MAGI2: variants seen among roughly 807,000 people sequenced by gnomAD.
MAGI2 encodes the protein membrane-associated guanylate kinase, WW and PDZ domain-containing protein 2.
In MAGI2, 35 loss-of-function variants were observed where a neutral mutation model predicts 133.3. The observed-to-expected ratio is 0.26, with a 90% CI of 0.20 to 0.35. The LOEUF (loss-of-function observed/expected upper bound fraction) is 0.35. Among genes scored for constraint, MAGI2 ranks in the 10% least tolerant of loss-of-function variants. MAGI2 has a pLI of 1.00. For missense variants in MAGI2, 1,636 were observed against 1,863.4 expected (o/e 0.88, Z 2.25); for synonymous variants, 729 against 710.6 (o/e 1.03, Z -0.41).
chr7:78,238,334 C>G (rs1206453177), intron 10 of MAGI2, among the ~76,000 whole-genome samples: 1 of 152,070 alleles, frequency 6.6e-6, no homozygotes, highest in Non-Finnish European at 1.5e-5. Context: ...CATCCTGTCT[C>G]CTGTGACCAT....
intron 20 of MAGI2, among the ~76,000 whole-genome samples, chr7:78,116,657 T>C (rs1206031942): frequency 6.6e-6 from 1 of 152,122 alleles, no homozygotes; most frequent in Non-Finnish European, 1.5e-5. Flanking sequence ...AGCAGTAGTA[T>C]TGCTTGAGCC....
At chr7:78,418,041 T>C (rs951664542) in intron 6 of MAGI2, among the ~76,000 whole-genome samples, 1 of 152,138 alleles carries the variant, frequency 6.6e-6, no homozygotes, top group Non-Finnish European at 1.5e-5. Context: ...GCTTAACTGT[T>C]GTTTATCATG....
At chr7:79,008,612 AT>A (rs890574149) in intron 1 of MAGI2, 1 of 152,164 alleles carries the variant, frequency 6.6e-6, no homozygotes, top group East Asian at 1.9e-4. Context: ...AAAGAAAAAC[AT>A]TTTTTGTTGG....
In MAGI2 at chr7:78,875,955, T is replaced by G. The variant is rs116686388; in HGVS notation, c.418+131135A>C. 2.1e-3 allele frequency among the ~76,000 whole-genome samples: 323 copies of G among 152,212 alleles called. 3 individuals are homozygous for G. The highest frequency in any genetic ancestry group is 7.5e-3 in the African/African-American group (310 of 41,510). The stretch of plus-strand genomic sequence containing the variant: ...TGGGGAAAAAAATCAGTGAGCTTGG[T>G]GATGCATTAATAACAGCTGTCCAAT... On this transcript the variant is annotated intron_variant, in intron 2 of 21. Transcript: ENST00000354212.
intron 2 of MAGI2, among the ~76,000 whole-genome samples, chr7:78,775,593 C>T (rs1008765424): frequency 6.6e-6 from 1 of 152,174 alleles, no homozygotes. Context: ...TAACTGATAA[C>T]ATTATGCATA....
intron 6 of MAGI2, among the ~76,000 whole-genome samples, chr7:78,467,695 G>A (rs1375635924): frequency 6.6e-6 from 1 of 151,876 alleles, no homozygotes; most frequent in African/African-American, 2.4e-5. Context: ...GCTGATATTT[G>A]AAAAAACAAG....
chr7:78,980,528 G>A (rs1482049719), intron 2 of MAGI2, among the ~76,000 whole-genome samples: 1 of 151,790 alleles, frequency 6.6e-6, no homozygotes, highest in Non-Finnish European at 1.5e-5. Flanking sequence ...AACTCAGAAC[G>A]AAGGTATATT....
chr7:78,381,239 C>T (rs763703812), intron 6 of MAGI2, among the ~76,000 whole-genome samples: 11 of 151,930 alleles, frequency 7.2e-5, no homozygotes, highest in Non-Finnish European at 1.5e-4. Flanking sequence ...CTCAGCTACT[C>T]GGGAGGCTGA....
intron 1 of MAGI2, among the ~76,000 whole-genome samples, chr7:79,322,819 T>C (rs1839299725): frequency 6.6e-6 from 1 of 151,726 alleles, no homozygotes; most frequent in African/African-American, 2.4e-5. Flanking sequence ...AAAGAAGTCC[T>C]ATGTGGATGA....
rs1420813193 is a variant in MAGI2 at position 79,231,401 on chromosome 7, G to C, written c.301+221619C>G. On this transcript the variant is annotated intron_variant, in intron 1 of 21. Transcript: ENST00000354212. The stretch of plus-strand genomic sequence containing the variant: ...CCTTGGGCAGTATGGCCATTTTCAC[G>C]ATATTGATTCTTCCTACCCATGACC... 2.8e-4 allele frequency among the ~76,000 whole-genome samples: 21 copies of C among 74,844 alleles called. 2 individuals carry two copies. The highest frequency in any genetic ancestry group is 8.0e-4 in the African/African-American group (21 of 26,306). The allele number at this position is 74,844 out of a possible 152,430, so 49.1% of individuals were successfully genotyped here.
intron 21 of MAGI2, among the ~76,000 whole-genome samples, chr7:78,068,111 G>A (rs974767334): frequency 1.3e-5 from 2 of 152,202 alleles, no homozygotes; most frequent in Non-Finnish European, 2.9e-5. Flanking sequence ...AGACCAGGTG[G>A]GGGTAGGGGG....
intron 9 of MAGI2, among the ~76,000 whole-genome samples, chr7:78,335,046 T>C (rs1013084502): frequency 2.0e-5 from 3 of 152,214 alleles, no homozygotes; most frequent in Non-Finnish European, 4.4e-5. Flanking sequence ...TTTTTACATG[T>C]TGTCTAGGGC....
intron 1 of MAGI2, among the ~76,000 whole-genome samples, chr7:79,310,925 C>G (rs77707438): frequency 0.012 from 1,642 of 140,582 alleles, 34 homozygotes; most frequent in African/African-American, 0.04. Flanking sequence ...CCATATTTCT[C>G]TCACTTTAAA....
chr7:78,127,875 G>T (rs1332754724), intron 18 of MAGI2, among the ~76,000 whole-genome samples: 4 of 152,068 alleles, frequency 2.6e-5, no homozygotes, highest in Non-Finnish European at 5.9e-5. Context: ...ATAAAAACAT[G>T]ATTGAAGTGA....
intron 9 of MAGI2, among the ~76,000 whole-genome samples, chr7:78,322,204 G>A (rs1024903387): frequency 3.3e-5 from 5 of 152,144 alleles, no homozygotes; most frequent in African/African-American, 9.7e-5. Context: ...ACAGTGTGGC[G>A]ATTCCTCAAG....
At chr7:78,957,997 AC>A (rs1269312120) in intron 2 of MAGI2, among the ~76,000 whole-genome samples, 1 of 151,956 alleles carries the variant, frequency 6.6e-6, no homozygotes, top group South Asian at 2.1e-4. Context: ...TACCTGTAAG[AC>A]CCCTGTTCTT....
At chr7:78,277,340 T>C (rs1795151443) in intron 9 of MAGI2, among the ~76,000 whole-genome samples, 1 of 152,112 alleles carries the variant, frequency 6.6e-6, no homozygotes, top group Non-Finnish European at 1.5e-5. Context: ...CAAAACAAAA[T>C]GAAAGAAACT....
chr7:78,635,109 A>G (rs114658093), intron 2 of MAGI2, among the ~76,000 whole-genome samples: 1,791 of 152,332 alleles, frequency 0.012, 42 homozygotes, highest in African/African-American at 0.04. Flanking sequence ...ATGAAAGCAT[A>G]CAGCGTTTCT....
chr7:78,709,353 C>T (rs1423492549), intron 2 of MAGI2, among the ~76,000 whole-genome samples: 1 of 151,982 alleles, frequency 6.6e-6, no homozygotes, highest in East Asian at 1.9e-4. Flanking sequence ...TCCTCTGTGC[C>T]TCTGCAAATT....
Sources: allele counts gnomAD v4.1 joint callset (sites outside exome capture counted in the v4.1 genomes callset), GRCh38; gene constraint gnomAD v4.1.1; transcripts MANE v1.5; gene names NCBI Gene and HGNC (gene_info 2026-07-23, HGNC 2026-07-21).